ETV1: variants seen among roughly 807,000 people sequenced by gnomAD.
ETV1 encodes the protein ETS translocation variant 1.
A neutral mutation model predicts 62.3 loss-of-function variants in ETV1; 27 were observed. The observed-to-expected ratio is 0.43, with a 90% CI of 0.32 to 0.60. The LOEUF is 0.60. Among genes scored for constraint, ETV1 ranks in the 20% least tolerant of loss-of-function variants. ETV1 has a pLI of 0.06. For synonymous variants in ETV1, 222 were observed against 199.6 expected, an observed-to-expected ratio of 1.11 and a Z score of -0.94; for missense variants, 605 against 605.8, an observed-to-expected ratio of 1.00 and a Z score of 0.01.
chr7:13,941,548 T>A (rs1056590645), intron 6 of ETV1, among the ~76,000 whole-genome samples: 2 of 152,244 alleles, frequency 1.3e-5, no homozygotes, highest in Non-Finnish European at 2.9e-5. Flanking sequence ...ATTTTTTAAA[T>A]GTGAAAAGAA....
intron 6 of ETV1, among the ~76,000 whole-genome samples, chr7:13,944,597 G>A (rs1276878857): frequency 1.3e-5 from 2 of 152,104 alleles, no homozygotes; most frequent in African/African-American, 4.8e-5. Flanking sequence ...CTACTGCAGG[G>A]CATAAGGATT....
intron 8 of ETV1, among the ~76,000 whole-genome samples, chr7:13,934,432 C>T (rs1169674518): frequency 6.6e-6 from 1 of 152,176 alleles, no homozygotes; most frequent in African/African-American, 2.4e-5. Context: ...CCCTTATTTT[C>T]AGAAAGTTGC....
intron 5 of ETV1, among the ~76,000 whole-genome samples, chr7:13,979,716 C>T (rs868372676): frequency 6.6e-6 from 1 of 152,106 alleles, no homozygotes; most frequent in Middle Eastern, 3.4e-3. Context: ...AAAAAGCCAA[C>T]ATTTATAAGA....
At chr7:13,990,616 G>A (rs930261228), upstream of ETV1, 1 of 152,404 alleles carries the variant, frequency 6.6e-6, no homozygotes, top group Non-Finnish European at 1.5e-5. Flanking sequence ...TTGGGGGCGA[G>A]CGGTGAGATG....
intron 8 of ETV1, 120 bp from the exon 9 acceptor site, chr7:13,931,869 T>A (rs1475974569): frequency 1.7e-6 from 2 of 1,198,120 alleles, no homozygotes; most frequent in Non-Finnish European, 2.3e-6. Context: ...GAAGCGTAAA[T>A]CTTTAACAAG....
At chr7:13,899,336 G>T (rs1782171756) in intron 13 of ETV1, among the ~76,000 whole-genome samples, 1 of 152,206 alleles carries the variant, frequency 6.6e-6, no homozygotes, top group Admixed American at 6.5e-5. Context: ...TATACATTTT[G>T]AAGGCATGAT....
intron 9 of ETV1, among the ~76,000 whole-genome samples, chr7:13,914,718 AGGTTT>A (rs1433420922): frequency 6.6e-6 from 1 of 152,142 alleles, no homozygotes; most frequent in Non-Finnish European, 1.5e-5. Flanking sequence ...GCTTTACCAA[AGGTTT>A]GACCACAAAG....
At chr7:13,968,945 T>C (rs1269463771) in intron 6 of ETV1, among the ~76,000 whole-genome samples, 1 of 152,148 alleles carries the variant, frequency 6.6e-6, no homozygotes, top group Non-Finnish European at 1.5e-5. Context: ...AGAGTACTTT[T>C]CATTGGATTT....
Position 13,932,067 on chromosome 7 carries a change from CACA to C in ETV1, c.555-321_555-319del, listed in dbSNP as rs1184782941. Among the ~76,000 whole-genome samples the C allele has an allele frequency of 8.8e-4, 133 of 151,884 alleles. 1 individual carries two copies. Among genetic ancestry groups the C allele is most frequent in the African/African-American group, 3.0e-3 (124 of 41,386 alleles). ...ACCCACACACACACACACACACACA[CACA>C]ACGATTAATGGCTAAAATGCCTAGT... On this transcript the variant is annotated intron_variant, in intron 8 of 13. Coordinates refer to ENST00000430479, the MANE Select transcript of ETV1 (RefSeq NM_004956.5).
intron 6 of ETV1, among the ~76,000 whole-genome samples, chr7:13,962,403 C>T (rs1790293116): frequency 1.3e-5 from 2 of 151,978 alleles, no homozygotes; most frequent in Admixed American, 6.6e-5. Context: ...TGTACTCAGT[C>T]CCATAGATAA....
intron 8 of ETV1, among the ~76,000 whole-genome samples, chr7:13,932,677 C>A (rs948583603): frequency 1.8e-4 from 27 of 152,196 alleles, no homozygotes; most frequent in Admixed American, 7.9e-4. Context: ...ATATCATTGA[C>A]CCACCACAAA....
At chr7:13,959,289 T>C (rs554443969) in intron 6 of ETV1, among the ~76,000 whole-genome samples, 60 of 152,260 alleles carry the variant, frequency 3.9e-4, no homozygotes, top group African/African-American at 1.4e-3. Context: ...CAATAGGAAG[T>C]AGTAGATGGG....
At chr7:13,931,783 G>A (rs141726914) in intron 8 of ETV1, 34 bp from the exon 9 acceptor site, 12 of 1,605,782 alleles carry the variant, frequency 7.5e-6, no homozygotes, top group Admixed American at 6.7e-5. Flanking sequence ...CAGATGAAAC[G>A]GTAACATGGA....
chr7:13,961,631 A>G (rs1478637431), intron 6 of ETV1, among the ~76,000 whole-genome samples: 1 of 151,318 alleles, frequency 6.6e-6, no homozygotes, highest in Non-Finnish European at 1.5e-5. Context: ...ACTTTGAAAT[A>G]AAAAAAAACA....
intron 6 of ETV1, among the ~76,000 whole-genome samples, chr7:13,956,054 AG>A (rs1242071324): frequency 2.0e-5 from 3 of 152,192 alleles, no homozygotes; most frequent in Non-Finnish European, 4.4e-5. Context: ...CCCCGCATGC[AG>A]TTTATATTAA....
At position 13,940,144 on chromosome 7, in the gene ETV1, C is replaced by A. The variant is rs568927194; in HGVS notation, c.236-898G>T. 1.2e-4 allele frequency among the ~76,000 whole-genome samples: 18 copies of A among 152,238 alleles called. No individual in the cohort carries two copies. The East Asian group carries it at 3.5e-3, about 29-fold the overall frequency. ...TTGGGAGGCCGAGGCAAGTGGATCA[C>A]CTGAGGTCAGGAGTTCAAGACCAGC... On this transcript the variant is annotated intron_variant, in intron 6 of 13. Transcript: ENST00000430479.
At chr7:13,930,522 C>T (rs913650503) in intron 9 of ETV1, among the ~76,000 whole-genome samples, 4 of 151,748 alleles carry the variant, frequency 2.6e-5, no homozygotes, top group Admixed American at 6.6e-5. Context: ...AGGGTTTCAC[C>T]GTGTTAGCCA....
chr7:13,892,698 C>A lies in ETV1; in HGVS notation c.*3168G>T, dbSNP rs187830662. 1.2e-4 allele frequency: 29 copies of A among 232,046 alleles called. No homozygotes were observed. In the Admixed American group the frequency reaches 1.6e-3, roughly 13 times the overall value. The allele number at this position is 232,046 out of a possible 1,614,324, so 14.4% of individuals were successfully genotyped here. A position where few individuals can be genotyped will look rare whatever the true frequency, so the allele number is the denominator to read the frequency against. ...TCTGAGCATCCCCTAAATGTAATCA[C>A]AAGCATCCTTATAAGAGGCAGGAAG... On this transcript the variant is annotated 3_prime_UTR_variant, in exon 14 of 14. Coordinates refer to ENST00000430479, the MANE Select transcript of ETV1 (RefSeq NM_004956.5).
chr7:13,954,055 C>T (rs1789131530), intron 6 of ETV1, among the ~76,000 whole-genome samples: 1 of 152,062 alleles, frequency 6.6e-6, no homozygotes, highest in African/African-American at 2.4e-5. Context: ...ATTGCATTGC[C>T]ATAGAAGACT....
Sources: gnomAD v4.1 joint callset for allele counts (sites outside exome capture counted in the v4.1 genomes callset) on GRCh38, gnomAD v4.1.1 for gene constraint, MANE v1.5 for transcripts, NCBI Gene and HGNC (gene_info 2026-07-23, HGNC 2026-07-21) for gene names.